The following ACTA2 variants were observed in gnomAD, a reference collection of about 807,000 sequenced individuals.
The protein encoded by ACTA2 is actin, aortic smooth muscle.
In ACTA2, 12 loss-of-function variants were observed where a neutral mutation model predicts 39.5. The observed-to-expected ratio is 0.30, with a 90% confidence interval of 0.19 to 0.49. The LOEUF (loss-of-function observed/expected upper bound fraction) is 0.49, where lower values mean the gene tolerates loss of function less well. ACTA2 is among the 20% of genes least tolerant of loss of function. The pLI, the probability that ACTA2 is intolerant of heterozygous loss-of-function variation, is 0.99. For synonymous variants in ACTA2, 158 were observed against 180.6 expected, an observed-to-expected ratio of 0.88 and a Z score of 1.00; for missense variants, 236 against 498.8, an observed-to-expected ratio of 0.47 and a Z score of 5.02.
chr10:88,967,839 T>C (rs1846347647), intron 1 of ACTA2, among the ~76,000 whole-genome samples: 1 of 152,178 alleles, frequency 6.6e-6, no homozygotes, highest in African/African-American at 2.4e-5. Context: ...AGGAAAATGG[T>C]TGGCAAAGTT....
intron 1 of ACTA2, among the ~76,000 whole-genome samples, chr10:88,979,661 G>C (rs1270959423): frequency 6.6e-6 from 1 of 151,938 alleles, no homozygotes. Flanking sequence ...GGCGAGAACA[G>C]CATAAATGCC....
intron 1 of ACTA2, among the ~76,000 whole-genome samples, chr10:88,970,694 G>C (rs148676939): frequency 1.1e-3 from 161 of 152,164 alleles, no homozygotes; most frequent in Middle Eastern, 6.8e-3. Flanking sequence ...ACAGGAAGAG[G>C]AACATCACAC....
intron 1 of ACTA2, among the ~76,000 whole-genome samples, chr10:88,972,581 C>G (rs923019593): frequency 6.6e-6 from 1 of 151,138 alleles, no homozygotes; most frequent in East Asian, 1.9e-4. Flanking sequence ...TGTAATTTAT[C>G]TATTAGCTTT....
chr10:88,940,923 A>G (rs1845835307), intron 6 of ACTA2: 1 of 370,646 alleles, frequency 2.7e-6, no homozygotes, highest in Non-Finnish European at 5.3e-6. Flanking sequence ...TCACCACACC[A>G]TGCCATCTTC....
At position 88,963,878 on chromosome 10, in the gene ACTA2, CA is replaced by C. The variant is rs1846277394; in HGVS notation, c.-23-14926del. On this transcript the variant is annotated intron_variant, in intron 1 of 4. Coordinates refer to the ACTA2 transcript ENST00000415557. ...TTTCTTAAACTTGTCTTTTTTTCTGCATGTCCACACTTTATTACAATGCTAC... is the reference window on the plus strand; with the variant it reads ...TTTCTTAAACTTGTCTTTTTTTCTGCTGTCCACACTTTATTACAATGCTAC... Among the ~76,000 whole-genome samples the C allele has an allele frequency of 2.0e-5, 3 of 152,092 alleles. No individual in the cohort carries two copies. The South Asian group carries it at 6.2e-4, about 31-fold the overall frequency.
At chr10:88,989,936 AC>A (rs1275629716) in intron 1 of ACTA2, among the ~76,000 whole-genome samples, 4 of 152,242 alleles carry the variant, frequency 2.6e-5, no homozygotes, top group Non-Finnish European at 4.4e-5. Context: ...AGAGCTATCT[AC>A]CGTTCCAAAG....
intron 1 of ACTA2, chr10:88,973,320 C>A: frequency 6.4e-7 from 1 of 1,569,730 alleles, no homozygotes; most frequent in Non-Finnish European, 8.6e-7. Context: ...CTGAGAGAGA[C>A]AAGAAGTGGA....
chr10:88,973,481 C>A, intron 1 of ACTA2: 1 of 815,556 alleles, frequency 1.2e-6, no homozygotes, highest in Non-Finnish European at 1.7e-6. Flanking sequence ...TCTTGATTAT[C>A]AGTTTCTCAA....
chr10:88,960,945 G>A (rs1295771028), intron 1 of ACTA2, among the ~76,000 whole-genome samples: 1 of 152,132 alleles, frequency 6.6e-6, no homozygotes, highest in Non-Finnish European at 1.5e-5. Flanking sequence ...CAACCTCTTG[G>A]TTTCTCAGAA....
intron 6 of ACTA2, chr10:88,941,000 T>C (rs1845836902): frequency 1.9e-6 from 1 of 538,320 alleles, no homozygotes; most frequent in Non-Finnish European, 3.4e-6. Context: ...TATACAACAC[T>C]GACTAATGCA....
Position 88,941,253 on chromosome 10 carries a change from G to A in ACTA2, c.592C>T (p.Arg198Cys), listed in dbSNP as rs772862676. 3 of 1,613,784 alleles carry A rather than the reference G, an allele frequency of 1.9e-6. No homozygotes were observed. Among genetic ancestry groups the A allele is most frequent in the African/African-American group, 1.3e-5 (1 of 74,898 alleles). Residue 198 changes from arginine (R) to cysteine (C), a missense_variant, in exon 6 of 9, where the codon CGT (arginine) becomes TGT (cysteine). Transcript: ENST00000224784. ...CCAGTAGTAACGAAGGAATAGCCAC[G>A]CTCAGTCAGGATCTTCATGAGGTAG... Reference protein sequence around the residue: ...TDYLMKILTERGYSFVTTAER... With the variant: ...TDYLMKILTECGYSFVTTAER...
Position 88,978,176 on chromosome 10 carries a change from A to C in ACTA2, c.-24+12763T>G, listed in dbSNP as rs572025841. On this transcript the variant is annotated intron_variant, in intron 1 of 4. Coordinates refer to the ACTA2 transcript ENST00000415557. ...AAAAAACCAAACACCGCATATTCTC[A>C]CTCATAGGTGGGAATTGAACAATGA... 8.5e-4 allele frequency among the ~76,000 whole-genome samples: 107 copies of C among 125,820 alleles called. 1 individual carries two copies. The Middle Eastern group carries it at 0.011, about 13-fold the overall frequency. 82.5% of individuals were successfully genotyped at this position (125,820 alleles called of 152,430 possible).
chr10:88,935,454 A>G (rs1410604987), intron 8 of ACTA2, 88 bp from the exon 9 acceptor site: 5 of 1,470,760 alleles, frequency 3.4e-6, no homozygotes, highest in Admixed American at 1.7e-5. Flanking sequence ...ATGTTCTACC[A>G]TGGCCTAGTT....
At chr10:88,988,443 T>TTTTTTTTTTTTTTTTTTTTTTTTTTTTA (rs1554846019) in intron 1 of ACTA2, among the ~76,000 whole-genome samples, 1 of 142,370 alleles carries the variant, frequency 7.0e-6, no homozygotes, top group African/African-American at 2.6e-5. Flanking sequence ...TTTTGTTTTT[T>TTTTTTTTTTTTTTTTTTTTTTTTTTTTA]ATCTTAACTC....
At chr10:88,964,189 C>T (rs1035151823) in intron 1 of ACTA2, among the ~76,000 whole-genome samples, 1 of 151,982 alleles carries the variant, frequency 6.6e-6, no homozygotes, top group African/African-American at 2.4e-5. Flanking sequence ...AAAGAATTCT[C>T]TCTCTATTCT....
At chr10:88,991,057 A>G (rs1261548741) in exon 1 of ACTA2, 1 of 1,006,868 alleles carries the variant, frequency 9.9e-7, no homozygotes, top group African/African-American at 1.6e-5. Context: ...GGCGTTGGAG[A>G]CTGGCTCCCG....
At chr10:88,944,748 C>T (rs1845915939) in intron 3 of ACTA2, among the ~76,000 whole-genome samples, 1 of 152,214 alleles carries the variant, frequency 6.6e-6, no homozygotes, top group Non-Finnish European at 1.5e-5. Flanking sequence ...TTGGACATAA[C>T]TACATTTATT....
chr10:88,935,246 T>C lies in ACTA2; in HGVS notation c.1111A>G (p.Ile371Val). 6.2e-7 allele frequency: 1 copy of C among 1,613,628 alleles called. No individual in the cohort carries two copies. The highest frequency in any genetic ancestry group is 8.5e-7 in the Non-Finnish European group (1 of 1,179,838). Residue 371 changes from isoleucine (I) to valine (V), a missense_variant, in exon 9 of 9, where the codon ATT becomes GTT. Ile to Val is a conservative substitution (Grantham distance 29, BLOSUM62 3). Transcript: ENST00000224784. ...KQEYDEAGPS[I>V]VHRKCF ...TTTTAGAAGCATTTGCGGTGGACAA[T>C]GGAAGGCCCGGCTTCATCGTATTCC...
intron 1 of ACTA2, among the ~76,000 whole-genome samples, chr10:88,984,792 C>T (rs1228633995): frequency 6.6e-6 from 1 of 152,184 alleles, no homozygotes; most frequent in Non-Finnish European, 1.5e-5. Context: ...GAGACATCTT[C>T]TCACCTTCAG....
Sources: gnomAD v4.1 joint callset for allele counts (sites outside exome capture counted in the v4.1 genomes callset) on GRCh38, gnomAD v4.1.1 for gene constraint, MANE v1.5 for transcripts, NCBI Gene and HGNC (gene_info 2026-07-23, HGNC 2026-07-21) for gene names.